OLA1: variants seen among roughly 807,000 people sequenced by gnomAD.
OLA1 encodes the protein Obg like ATPase 1.
Under a neutral mutation model 48.4 loss-of-function variants are expected in OLA1, and 14 were observed. The observed-to-expected ratio is 0.29, with a 90% CI of 0.19 to 0.45. OLA1 has a LOEUF of 0.45. OLA1 is among the 20% of genes least tolerant of loss of function. The pLI, the probability that OLA1 is intolerant of heterozygous loss-of-function variation, is 1.00. For missense variants in OLA1, 325 were observed against 467.1 expected, an observed-to-expected ratio of 0.70 and a Z score of 2.80; for synonymous variants, 127 against 150.4, an observed-to-expected ratio of 0.84 and a Z score of 1.14.
At position 174,212,271 on chromosome 2, in the gene OLA1, G is replaced by A. The variant is rs186182689; in HGVS notation, c.373+10762C>T. 1.9e-3 allele frequency among the ~76,000 whole-genome samples: 282 copies of A among 152,268 alleles called. 1 individual carries two copies. The highest frequency in any genetic ancestry group is 6.5e-3 in the African/African-American group (270 of 41,526). Reference sequence around the variant, plus strand: ...TACTGAAAGCACTTGTAACACAATGGTAAGTATTTGTGTATCTAAACATAT... The same window carrying A: ...TACTGAAAGCACTTGTAACACAATGATAAGTATTTGTGTATCTAAACATAT... On this transcript the variant is annotated intron_variant, in intron 4 of 10. Coordinates refer to ENST00000284719, the MANE Select transcript of OLA1 (RefSeq NM_013341.5).
intron 7 of OLA1, among the ~76,000 whole-genome samples, chr2:174,099,851 C>T (rs1273824367): frequency 6.6e-6 from 1 of 152,034 alleles, no homozygotes; most frequent in Admixed American, 6.6e-5. Context: ...AAATTTTGTT[C>T]CCAGTGGAGA....
At chr2:174,217,852 A>C (rs1453569397) in intron 4 of OLA1, 1 of 152,182 alleles carries the variant, frequency 6.6e-6, no homozygotes, top group Non-Finnish European at 1.5e-5. Flanking sequence ...GTATAGAAAA[A>C]TTTTTAATGC....
At chr2:174,200,244 G>T (rs1228122270) in intron 4 of OLA1, among the ~76,000 whole-genome samples, 1 of 152,066 alleles carries the variant, frequency 6.6e-6, no homozygotes, top group Non-Finnish European at 1.5e-5. Flanking sequence ...AGAGTCTCGA[G>T]ATAAAAAATT....
chr2:174,239,903 A>C (rs1314190723), intron 2 of OLA1, among the ~76,000 whole-genome samples: 4 of 150,724 alleles, frequency 2.7e-5, no homozygotes, highest in South Asian at 2.1e-4. Context: ...CAAAAAAAAA[A>C]CAAAAAACAA....
chr2:174,123,291 T>C lies in OLA1; in HGVS notation c.631-14A>G. On this transcript the variant is annotated splice_polypyrimidine_tract_variant and intron_variant, in intron 6 of 10. Transcript: ENST00000284719. The stretch of plus-strand genomic sequence containing the variant: ...CAACACTTCAATCTAAAGTGGGAGA[T>C]GGAGAAAGAATCCCTTTTAAAAGTT... 2 of 1,259,720 alleles carry C rather than the reference T, an allele frequency of 1.6e-6. No individual in the cohort carries two copies. The highest frequency in any genetic ancestry group is 1.5e-5 in the African/African-American group (1 of 65,242). The allele number at this position is 1,259,720 out of a possible 1,614,324, so 78.0% of individuals were successfully genotyped here.
chr2:174,209,179 T>C (rs771283160), intron 4 of OLA1, among the ~76,000 whole-genome samples: 29 of 152,228 alleles, frequency 1.9e-4, no homozygotes, highest in Non-Finnish European at 2.9e-4. Context: ...ACCCATCTTA[T>C]AGTCTTCTTC....
At chr2:174,220,758 G>A (rs1050378065) in intron 4 of OLA1, among the ~76,000 whole-genome samples, 1 of 152,006 alleles carries the variant, frequency 6.6e-6, no homozygotes, top group Admixed American at 6.6e-5. Context: ...AACAAGGTGA[G>A]GCAAAAGTTA....
At chr2:174,085,830 TA>T (rs1375648432) in intron 7 of OLA1, among the ~76,000 whole-genome samples, 4 of 152,226 alleles carry the variant, frequency 2.6e-5, no homozygotes, top group Non-Finnish European at 4.4e-5. Context: ...TAAACTTGTT[TA>T]ATAAGTTCTT....
intron 7 of OLA1, among the ~76,000 whole-genome samples, chr2:174,104,785 G>A (rs1190314226): frequency 1.3e-5 from 2 of 151,902 alleles, no homozygotes; most frequent in African/African-American, 4.8e-5. Context: ...ATGCAATTCC[G>A]GTTTATTTCT....
chr2:174,085,621 T>G (rs1218812782), intron 7 of OLA1, among the ~76,000 whole-genome samples: 7 of 152,154 alleles, frequency 4.6e-5, no homozygotes, highest in Admixed American at 4.6e-4. Flanking sequence ...AATATCAAAT[T>G]TCCAAAAGAT....
chr2:174,119,219 C>T (rs1685852875), intron 7 of OLA1, among the ~76,000 whole-genome samples: 1 of 151,818 alleles, frequency 6.6e-6, no homozygotes, highest in African/African-American at 2.4e-5. Flanking sequence ...TCTAAAGATT[C>T]TGATCAGAGA....
chr2:174,193,094 T>TC (rs1449840791), intron 4 of OLA1, among the ~76,000 whole-genome samples: 95 of 149,800 alleles, frequency 6.3e-4, no homozygotes, highest in African/African-American at 1.3e-3. Context: ...TTTCTTTCTT[T>TC]TTTTTTTTTT....
intron 3 of OLA1, 141 bp downstream of exon 3, chr2:174,229,167 C>G: frequency 1.2e-6 from 1 of 851,406 alleles, no homozygotes; most frequent in South Asian, 1.7e-5. Flanking sequence ...AGCCACCGCA[C>G]CCAGCCCTCT....
At chr2:174,113,378 G>A (rs1685701581) in intron 7 of OLA1, among the ~76,000 whole-genome samples, 1 of 152,070 alleles carries the variant, frequency 6.6e-6, no homozygotes, top group Non-Finnish European at 1.5e-5. Context: ...CACTATTTTA[G>A]ACTTGGCAAT....
chr2:174,087,675 T>A (rs1685014957), intron 7 of OLA1, among the ~76,000 whole-genome samples: 1 of 152,170 alleles, frequency 6.6e-6, no homozygotes, highest in Non-Finnish European at 1.5e-5. Context: ...CAAAACCAAA[T>A]TCTTGCAACT....
intron 4 of OLA1, among the ~76,000 whole-genome samples, chr2:174,169,293 G>A (rs909595315): frequency 4.0e-5 from 6 of 151,366 alleles, no homozygotes; most frequent in African/African-American, 9.7e-5. Flanking sequence ...AAAGAGATGG[G>A]GAGAAAAAAA....
At chr2:174,095,546 A>G (rs1363193815) in intron 7 of OLA1, among the ~76,000 whole-genome samples, 2 of 151,974 alleles carry the variant, frequency 1.3e-5, no homozygotes, top group African/African-American at 4.8e-5. Flanking sequence ...TGTTTGTTGT[A>G]AAGTTTATTT....
Position 174,203,475 on chromosome 2 carries a change from T to C in OLA1, c.373+19558A>G, listed in dbSNP as rs149248156. Reference sequence around the variant, plus strand: ...CTGTCTAGCTAACATCTTTTTTTTTTTTTTTTTAAGAGATGGGGTCTTGCT... The same window carrying C: ...CTGTCTAGCTAACATCTTTTTTTTTCTTTTTTTAAGAGATGGGGTCTTGCT... On this transcript the variant is annotated intron_variant, in intron 4 of 10. Transcript: ENST00000284719. Among the ~76,000 whole-genome samples, 249 of 151,814 alleles carry C rather than the reference T, an allele frequency of 1.6e-3. 2 individuals are homozygous for C. The Middle Eastern group carries it at 0.017, about 10-fold the overall frequency.
chr2:174,223,455 C>T (rs1688549012), intron 3 of OLA1, among the ~76,000 whole-genome samples: 1 of 152,064 alleles, frequency 6.6e-6, no homozygotes, highest in Admixed American at 6.6e-5. Flanking sequence ...GTTCTATTGG[C>T]ACATGCACAC....
Sources: gnomAD v4.1 joint callset for allele counts (sites outside exome capture counted in the v4.1 genomes callset) on GRCh38, gnomAD v4.1.1 for gene constraint, MANE v1.5 for transcripts, NCBI Gene and HGNC (gene_info 2026-07-23, HGNC 2026-07-21) for gene names.